The following TRAK2 variants were observed in gnomAD, a reference collection of about 807,000 sequenced individuals.
TRAK2 encodes trafficking kinesin protein 2, also known as trafficking kinesin-binding protein 2.
TRAK2 carries 81 observed loss-of-function variants against 104.6 expected under a neutral mutation model. That is an observed-to-expected ratio of 0.77 (90% CI 0.65 to 0.93). The LOEUF (loss-of-function observed/expected upper bound fraction) is 0.93. Ranked by LOEUF, TRAK2 falls within the 40% of genes least tolerant of loss-of-function variation. TRAK2 has a pLI of 0.00. For synonymous variants in TRAK2, 406 were observed against 394.4 expected (o/e 1.03, Z -0.35); for missense variants, 1,002 against 1,089.0 (o/e 0.92, Z 1.12).
chr2:201,394,345 T>C (rs1951478091), intron 9 of TRAK2, among the ~76,000 whole-genome samples: 1 of 116,964 alleles, frequency 8.5e-6, no homozygotes, highest in Non-Finnish European at 1.8e-5. Flanking sequence ...TTCTTTTTCT[T>C]TCTTTTTTTT....
intron 3 of TRAK2, among the ~76,000 whole-genome samples, chr2:201,406,922 A>G (rs1391725147): frequency 6.6e-6 from 1 of 152,180 alleles, no homozygotes; most frequent in Admixed American, 6.5e-5. Flanking sequence ...TATATAGGGT[A>G]TATTTATTTC....
At chr2:201,429,845 C>A (rs1951825959) in intron 1 of TRAK2, among the ~76,000 whole-genome samples, 1 of 152,132 alleles carries the variant, frequency 6.6e-6, no homozygotes, top group South Asian at 2.1e-4. Context: ...TTATTGCTGT[C>A]AACTTGTCAA....
intron 7 of TRAK2, 125 bp downstream of exon 7, chr2:201,397,377 C>T: frequency 1.7e-6 from 1 of 595,954 alleles, no homozygotes; most frequent in Non-Finnish European, 3.0e-6. Context: ...CTAAGATTTT[C>T]AGTAACCATT....
Position 201,386,321 on chromosome 2 carries a change from A to G in TRAK2, c.1860T>C (p.Phe620=), listed in dbSNP as rs1951390251. The change falls in exon 14 of 16, where the codon TTT becomes TTC. Residue 620 remains phenylalanine (F), a synonymous_variant. Coordinates refer to ENST00000332624, the MANE Select transcript of TRAK2 (RefSeq NM_015049.3). ...LEEDEEEGIT[F]QVQQPLEVEE... is the part of the protein sequence containing the mutation. ...CCACTTCAAGAGGTTGCTGAACCTG[A>G]AAAGTAATACCCTCCTCTTCATCCT... is the stretch of plus-strand genomic sequence containing the variant. 2.5e-6 allele frequency: 4 copies of G among 1,614,196 alleles called. No homozygotes were observed. The highest frequency in any genetic ancestry group is 2.5e-6 in the Non-Finnish European group (3 of 1,180,028).
chr2:201,396,848 T>C (rs1246213355), intron 7 of TRAK2, among the ~76,000 whole-genome samples: 1 of 152,188 alleles, frequency 6.6e-6, no homozygotes, highest in African/African-American at 2.4e-5. Flanking sequence ...CTACTCAGAA[T>C]GGTTCGCGAT....
At chr2:201,394,934 C>T (rs1951487489) in intron 8 of TRAK2, 62 bp from the exon 9 acceptor site, 1 of 1,362,756 alleles carries the variant, frequency 7.3e-7, no homozygotes, top group African/African-American at 1.5e-5. Flanking sequence ...TATTCTCTTT[C>T]TTATAAAGAC....
At chr2:201,433,935 C>T (rs974274168) in intron 1 of TRAK2, among the ~76,000 whole-genome samples, 1 of 152,106 alleles carries the variant, frequency 6.6e-6, no homozygotes, top group South Asian at 2.1e-4. Context: ...TTTTGTCACA[C>T]ATCATGGGAC....
At chr2:201,402,469 T>G (rs1341499974) in intron 3 of TRAK2, among the ~76,000 whole-genome samples, 1 of 152,056 alleles carries the variant, frequency 6.6e-6, no homozygotes, top group Admixed American at 6.6e-5. Flanking sequence ...TAAAAAAGAT[T>G]TAAACTGAAA....
At chr2:201,450,412 T>TCAAAAAAAAAAAAAAA (rs1952019018) in intron 1 of TRAK2, among the ~76,000 whole-genome samples, 1 of 151,738 alleles carries the variant, frequency 6.6e-6, no homozygotes, top group Non-Finnish European at 1.5e-5. Flanking sequence ...AGACTCTGTC[T>TCAAAAAAAAAAAAAAA]TAAAAAAAAA....
chr2:201,401,301 C>T (rs1951549008), intron 3 of TRAK2, among the ~76,000 whole-genome samples: 1 of 151,878 alleles, frequency 6.6e-6, no homozygotes, highest in Non-Finnish European at 1.5e-5. Context: ...GAAGTGTATA[C>T]CACACAATAA....
intron 1 of TRAK2, among the ~76,000 whole-genome samples, chr2:201,444,836 A>G (rs997290948): frequency 1.3e-5 from 2 of 151,920 alleles, no homozygotes; most frequent in African/African-American, 2.4e-5. Flanking sequence ...GCAACTCCAT[A>G]AATAATTGGT....
rs549549264 is a variant in TRAK2, at chr2:201,443,668, C to A, written c.-200+7682G>T. 2.6e-5 allele frequency among the ~76,000 whole-genome samples: 4 copies of A among 152,254 alleles called. No individual in the cohort carries two copies. In the South Asian group the frequency reaches 8.3e-4, roughly 32 times the overall value. On this transcript the variant is annotated intron_variant, in intron 1 of 15. Coordinates refer to ENST00000332624, the MANE Select transcript of TRAK2 (RefSeq NM_015049.3). ...AATACTAGATTCCTCCATCCCTCAT[C>A]CTGTCACATCCAATCCATTAACAAA...
At chr2:201,443,136 C>T (rs756115788) in intron 1 of TRAK2, among the ~76,000 whole-genome samples, 42 of 152,086 alleles carry the variant, frequency 2.8e-4, no homozygotes, top group Admixed American at 8.5e-4. Flanking sequence ...TTCCCCTCTA[C>T]CTACCCTCTG....
In TRAK2 at chr2:201,395,365, C is replaced by T; in HGVS notation, c.849G>A (p.Glu283=). Residue 283 remains glutamate, a synonymous_variant, in exon 8 of 16, where the codon GAG becomes GAA. Coordinates refer to ENST00000332624, the MANE Select transcript of TRAK2 (RefSeq NM_015049.3). ...CAATCTGTGACAAAAGAGAGGAAAG[C>T]TCTTCTTGGTATCGAATCAGCTCAT... The part of the protein sequence containing the change: ...KSDELIRYQE[E]LSSLLSQIVD... The T allele has an allele frequency of 7.5e-6, 12 of 1,604,706 alleles. No individual in the cohort carries two copies. Among genetic ancestry groups the T allele is most frequent in the East Asian group, 2.2e-5 (1 of 44,740 alleles).
Position 201,447,627 on chromosome 2 carries a change from T to C in TRAK2, c.-200+3723A>G, listed in dbSNP as rs960240109. Among the ~76,000 whole-genome samples, 1 of 152,182 alleles carries C rather than the reference T, an allele frequency of 6.6e-6. No individual in the cohort carries two copies. Among genetic ancestry groups the C allele is most frequent in the Non-Finnish European group, 1.5e-5 (1 of 68,018 alleles). ...GTCTCTTTTTGTGCTCAAATTTCCTTCTTATAAGGAAAACTGTCAGACTGG... is the reference window on the plus strand; with the variant it reads ...GTCTCTTTTTGTGCTCAAATTTCCTCCTTATAAGGAAAACTGTCAGACTGG... On this transcript the variant is annotated intron_variant, in intron 1 of 15. Transcript: ENST00000332624. This position sits in a 1 kb window ranked among gnomAD's most constrained non-coding sequence, Gnocchi z 4.1.
chr2:201,437,395 T>C (rs950838223), intron 1 of TRAK2, among the ~76,000 whole-genome samples: 1 of 152,216 alleles, frequency 6.6e-6, no homozygotes, highest in African/African-American at 2.4e-5. Flanking sequence ...TACACTATAG[T>C]TACTCTCCAA....
chr2:201,415,646 T>C (rs977844911), intron 2 of TRAK2, among the ~76,000 whole-genome samples: 1 of 151,246 alleles, frequency 6.6e-6, no homozygotes, highest in African/African-American at 2.4e-5. Context: ...AACAGTAAAC[T>C]TGAAGGCATA....
At chr2:201,413,677 A>T (rs1576522793) in intron 2 of TRAK2, among the ~76,000 whole-genome samples, 4 of 151,984 alleles carry the variant, frequency 2.6e-5, no homozygotes, top group Admixed American at 2.6e-4. Flanking sequence ...GGAAACTGAG[A>T]CTTAAAGATG....
At chr2:201,404,253 T>A (rs950576942) in intron 3 of TRAK2, among the ~76,000 whole-genome samples, 5 of 152,200 alleles carry the variant, frequency 3.3e-5, no homozygotes, top group African/African-American at 1.2e-4. Context: ...ATCAATCCTA[T>A]CAAAACCTAT....
Sources: allele counts gnomAD v4.1 joint callset (sites outside exome capture counted in the v4.1 genomes callset), GRCh38; gene constraint gnomAD v4.1.1; non-coding constraint Gnocchi (gnomAD v3.1); transcripts MANE v1.5; gene names NCBI Gene and HGNC (gene_info 2026-07-23, HGNC 2026-07-21).